Variants in NPNT observed in about 807,000 individuals in gnomAD.
The protein encoded by NPNT is preosteoblast EGF-like repeat protein with MAM domain.
In NPNT, 45 loss-of-function variants were observed where a neutral mutation model predicts 68.6. The observed-to-expected ratio is 0.66, with a 90% CI of 0.52 to 0.84. The LOEUF (loss-of-function observed/expected upper bound fraction) is 0.84. Ranked by LOEUF, NPNT falls within the 40% of genes least tolerant of loss-of-function variation. The pLI is 0.00. For synonymous variants in NPNT, 233 were observed against 253.3 expected (o/e 0.92, Z 0.76); for missense variants, 672 against 714.8 (o/e 0.94, Z 0.68).
chr4:105,911,331 T>C (rs945016192), intron 2 of NPNT, among the ~76,000 whole-genome samples: 4 of 152,168 alleles, frequency 2.6e-5, no homozygotes, highest in Admixed American at 2.6e-4. Context: ...AGAATTTTTT[T>C]CTTCTTATAT....
rs961789836 is a variant in NPNT at position 105,895,717 on chromosome 4, A to T, written c.65A>T (p.Asp22Val). The T allele has an allele frequency of 4.3e-5, 66 of 1,552,598 alleles. No homozygotes were observed. Among genetic ancestry groups the T allele is most frequent in the Non-Finnish European group, 5.5e-5 (63 of 1,147,568 alleles). The change falls in exon 1 of 12, where the codon GAC becomes GTC. Residue 22 changes from aspartate (D) to valine (V), a missense_variant. Asp to Val is a radical substitution (Grantham distance 152). Coordinates refer to ENST00000379987, the MANE Select transcript of NPNT (RefSeq NM_001033047.3). Reference sequence around the variant, plus strand: ...TACCTGCAGGCGGCCGCCGAGTTCGACGGGAGGTGAGCTGGGCCCCGGGGC... The same window carrying T: ...TACCTGCAGGCGGCCGCCGAGTTCGTCGGGAGGTGAGCTGGGCCCCGGGGC... ...SLYLQAAAEF[D>V]GRWPRQIVSS...
At chr4:105,905,345 T>C (rs1197288750) in intron 2 of NPNT, among the ~76,000 whole-genome samples, 5 of 152,188 alleles carry the variant, frequency 3.3e-5, no homozygotes, top group African/African-American at 1.2e-4. Flanking sequence ...AAAAGACACA[T>C]ACTAAGAGCA....
rs143297319 is a variant in NPNT at position 105,971,401 on chromosome 4, C to T, written c.*2411C>T. ...AATAAATCATTAAGCCTTTGAGTAACGGCAGAATATATGGCTGTAGATCCA... is the reference window on the plus strand; with the variant it reads ...AATAAATCATTAAGCCTTTGAGTAATGGCAGAATATATGGCTGTAGATCCA... On this transcript the variant is annotated 3_prime_UTR_variant, in exon 12 of 12. Coordinates refer to ENST00000379987, the MANE Select transcript of NPNT (RefSeq NM_001033047.3). 165 of 242,146 alleles carry T rather than the reference C, an allele frequency of 6.8e-4. No homozygotes were observed. The East Asian group carries it at 9.7e-3, about 14-fold the overall frequency. The allele number at this position is 242,146 out of a possible 1,614,324, so 15.0% of individuals were successfully genotyped here.
At chr4:105,899,851 G>A (rs887102056) in intron 2 of NPNT, among the ~76,000 whole-genome samples, 3 of 152,150 alleles carry the variant, frequency 2.0e-5, no homozygotes, top group African/African-American at 7.2e-5. Context: ...TGTCAGTTCA[G>A]AGTTCTGCCT....
chr4:105,903,434 C>T (rs555271037), intron 2 of NPNT, among the ~76,000 whole-genome samples: 97 of 152,268 alleles, frequency 6.4e-4, no homozygotes, highest in Admixed American at 1.7e-3. Flanking sequence ...TTCTGATGGC[C>T]TAACCCTCAT....
chr4:105,945,758 TA>T (rs1730333370), intron 8 of NPNT, among the ~76,000 whole-genome samples: 1 of 152,198 alleles, frequency 6.6e-6, no homozygotes, highest in Non-Finnish European at 1.5e-5. Flanking sequence ...AAGGTACACA[TA>T]CTATATAGTA....
At chr4:105,937,178 T>A in intron 4 of NPNT, 50 bp downstream of exon 4, 1 of 1,601,430 alleles carries the variant, frequency 6.2e-7, no homozygotes, top group East Asian at 2.2e-5. Context: ...CTTGTTTCTG[T>A]TGTGCTCTGA....
At chr4:105,909,213 T>C (rs903507361) in intron 2 of NPNT, among the ~76,000 whole-genome samples, 4 of 152,206 alleles carry the variant, frequency 2.6e-5, no homozygotes, top group South Asian at 2.1e-4. Flanking sequence ...ACTGTGGTAA[T>C]AGTTTCTACT....
chr4:105,922,055 T>C (rs760041872), intron 2 of NPNT, among the ~76,000 whole-genome samples: 9 of 152,188 alleles, frequency 5.9e-5, no homozygotes, highest in Non-Finnish European at 8.8e-5. Context: ...TAACATGATG[T>C]AGATTGAAAA....
chr4:105,899,332 C>T (rs533373708), intron 2 of NPNT, among the ~76,000 whole-genome samples: 1 of 152,300 alleles, frequency 6.6e-6, no homozygotes, highest in Admixed American at 6.5e-5. Context: ...AACACACCTA[C>T]ACATAACCCT....
At chr4:105,907,625 C>G (rs781741569) in intron 2 of NPNT, among the ~76,000 whole-genome samples, 8 of 151,814 alleles carry the variant, frequency 5.3e-5, no homozygotes, top group Non-Finnish European at 1.0e-4. Flanking sequence ...ATGTCAATAA[C>G]CAGCTACAAC....
At chr4:105,930,460 G>A (rs1263437190) in intron 3 of NPNT, among the ~76,000 whole-genome samples, 1 of 152,108 alleles carries the variant, frequency 6.6e-6, no homozygotes, top group Non-Finnish European at 1.5e-5. Context: ...GCTGCCTAGA[G>A]ACTTCCATAA....
chr4:105,912,086 T>A, intron 2 of NPNT: 1 of 765,630 alleles, frequency 1.3e-6, no homozygotes, highest in Non-Finnish European at 2.2e-6. Context: ...AAGTTGAATA[T>A]GTGTAAGTCT....
chr4:105,954,917 TG>T (rs1200580331), intron 8 of NPNT, among the ~76,000 whole-genome samples: 4 of 152,150 alleles, frequency 2.6e-5, no homozygotes, highest in Non-Finnish European at 5.9e-5. Flanking sequence ...ACTTCTAGAA[TG>T]TAGATCCCAT....
intron 8 of NPNT, among the ~76,000 whole-genome samples, chr4:105,950,702 T>C (rs374452446): frequency 9.2e-5 from 14 of 152,274 alleles, no homozygotes; most frequent in African/African-American, 3.4e-4. Context: ...GTGAGCTGGA[T>C]GTGAACATGA....
chr4:105,936,933 T>C (rs1433874802), intron 3 of NPNT, 76 bp from the exon 4 acceptor site: 15 of 1,445,598 alleles, frequency 1.0e-5, no homozygotes, highest in Admixed American at 5.1e-5. Flanking sequence ...TTTTTTAATA[T>C]AGAAAAGAAT....
chr4:105,896,641 C>G (rs368677928), intron 1 of NPNT, among the ~76,000 whole-genome samples: 5 of 152,176 alleles, frequency 3.3e-5, no homozygotes, highest in African/African-American at 1.2e-4. Context: ...CCGTGTAGGT[C>G]CCTGCCTAGT....
At position 105,969,931 on chromosome 4, in the gene NPNT, A is replaced by T. The variant is rs1416675722; in HGVS notation, c.*941A>T. The stretch of plus-strand genomic sequence containing the variant: ...CTGTCACTGTTTCAAGTTACACTTT[A>T]AAACCACAGCTTTTACCATCATAAC... On this transcript the variant is annotated 3_prime_UTR_variant, in exon 12 of 12. Coordinates refer to ENST00000379987, the MANE Select transcript of NPNT (RefSeq NM_001033047.3). 3.9e-5 allele frequency: 6 copies of T among 155,554 alleles called. No individual in the cohort carries two copies. Among genetic ancestry groups the T allele is most frequent in the Admixed American group, 3.8e-4 (6 of 15,688 alleles). The allele number at this position is 155,554 out of a possible 1,614,324, so 9.6% of individuals were successfully genotyped here.
At chr4:105,967,129 C>G in intron 10 of NPNT, 59 bp from the exon 11 acceptor site, 1 of 1,500,062 alleles carries the variant, frequency 6.7e-7, no homozygotes, top group African/African-American at 1.4e-5. Context: ...CCTGTCCATG[C>G]TGCTTGTTCT....
Sources: gnomAD v4.1 joint callset for allele counts (sites outside exome capture counted in the v4.1 genomes callset) on GRCh38, gnomAD v4.1.1 for gene constraint, MANE v1.5 for transcripts, NCBI Gene and HGNC (gene_info 2026-07-23, HGNC 2026-07-21) for gene names.